Variants in HIF1A observed in about 807,000 individuals in gnomAD.
HIF1A encodes the protein hypoxia inducible factor 1 subunit alpha, also known as hypoxia-inducible factor 1-alpha.
Under a neutral mutation model 92.7 loss-of-function variants are expected in HIF1A, and 24 were observed. The ratio of observed to expected loss-of-function variants is 0.26; its 90% CI spans 0.19 to 0.36. The LOEUF (loss-of-function observed/expected upper bound fraction) is 0.36. Ranked by LOEUF, HIF1A falls within the 10% of genes least tolerant of loss-of-function variation. HIF1A has a pLI of 1.00. For missense variants in HIF1A, 799 were observed against 998.5 expected, an observed-to-expected ratio of 0.80 and a Z score of 2.69; for synonymous variants, 319 against 338.7, an observed-to-expected ratio of 0.94 and a Z score of 0.64.
rs184062516 is a variant in HIF1A at position 61,696,968 on chromosome 14, C to G, written c.35+1129C>G. ...TGGTGTTAAGAGCGGACTCCCCCAT[C>G]CCCCAACACACACACAATTTTGCCC... On this transcript the variant is annotated intron_variant, in intron 1 of 14. Coordinates refer to ENST00000337138, the MANE Select transcript of HIF1A (RefSeq NM_001530.4). Among the ~76,000 whole-genome samples, 187 of 152,266 alleles carry G rather than the reference C, an allele frequency of 1.2e-3. 3 individuals carry two copies. Among genetic ancestry groups the G allele is most frequent in the East Asian group, 7.7e-4 (4 of 5,192 alleles).
intron 10 of HIF1A, chr14:61,740,214 T>A (rs6573398): frequency 0.98 from 168,450 of 171,322 alleles, 82,868 homozygotes; most frequent in Middle Eastern, 1. Flanking sequence ...TTACAGGCGT[T>A]TGCCACCATG....
At chr14:61,707,328 T>C (rs1029899071) in intron 1 of HIF1A, among the ~76,000 whole-genome samples, 1 of 152,094 alleles carries the variant, frequency 6.6e-6, no homozygotes, top group South Asian at 2.1e-4. Context: ...TATTATACTT[T>C]AAGTTTTAGG....
intron 12 of HIF1A, among the ~76,000 whole-genome samples, chr14:61,742,885 CAAAAA>C (rs766112676): frequency 0.12 from 2,022 of 16,588 alleles, 112 homozygotes; most frequent in East Asian, 0.5. Flanking sequence ...AACTCGGTTT[CAAAAA>C]AAAAAAAAAA....
At chr14:61,730,216 C>T (rs779070121) in intron 6 of HIF1A, among the ~76,000 whole-genome samples, 19 of 152,194 alleles carry the variant, frequency 1.2e-4, no homozygotes, top group Middle Eastern at 3.4e-3. Flanking sequence ...CTGGACACCC[C>T]GACCCTTTTG....
At chr14:61,701,046 G>C (rs1279118413) in intron 1 of HIF1A, among the ~76,000 whole-genome samples, 1 of 152,084 alleles carries the variant, frequency 6.6e-6, no homozygotes, top group East Asian at 1.9e-4. Flanking sequence ...AACACTTTTT[G>C]GGTAAAATAG....
intron 1 of HIF1A, among the ~76,000 whole-genome samples, chr14:61,701,856 C>A (rs1016158517): frequency 4.6e-5 from 7 of 151,890 alleles, no homozygotes; most frequent in Non-Finnish European, 1.0e-4. Flanking sequence ...GGCGTGGTGG[C>A]GGGTGCCTGT....
At chr14:61,728,613 AT>A (rs2044537062) in intron 6 of HIF1A, among the ~76,000 whole-genome samples, 1 of 152,216 alleles carries the variant, frequency 6.6e-6, no homozygotes, top group African/African-American at 2.4e-5. Flanking sequence ...TTTCTTTTAC[AT>A]TCATTGGCTA....
Position 61,717,557 on chromosome 14 carries a change from C to T in HIF1A, c.36-2825C>T, listed in dbSNP as rs73331618. On this transcript the variant is annotated intron_variant, in intron 1 of 14. Coordinates refer to ENST00000337138, the MANE Select transcript of HIF1A (RefSeq NM_001530.4). ...AAAATTCAGTCTTATTTTCAGTCTA[C>T]ACTAGCTTTTAAATATACTGTCCTT... 5.5e-3 allele frequency among the ~76,000 whole-genome samples: 830 copies of T among 152,228 alleles called. 6 individuals carry two copies. The highest frequency in any genetic ancestry group is 0.018 in the African/African-American group (730 of 41,524).
At chr14:61,711,378 G>A (rs2044306269) in intron 1 of HIF1A, among the ~76,000 whole-genome samples, 1 of 152,020 alleles carries the variant, frequency 6.6e-6, no homozygotes, top group Non-Finnish European at 1.5e-5. Context: ...CTAGTAATTT[G>A]ATTGGTTAAG....
At chr14:61,724,380 T>TCTCTCTCTCTCTCTCTCC (rs771152491) in intron 4 of HIF1A, among the ~76,000 whole-genome samples, 91 of 139,660 alleles carry the variant, frequency 6.5e-4, no homozygotes, top group Non-Finnish European at 1.2e-3. Context: ...TCTCTCTCTC[T>TCTCTCTCTCTCTCTCTCC]CCCCCTCCCT....
rs765619047 is a variant in HIF1A at position 61,744,618 on chromosome 14, A to G, written c.2094-87A>G. 40 of 572,800 alleles carry G rather than the reference A, an allele frequency of 7.0e-5. No homozygotes were observed. The South Asian group carries it at 9.5e-4, about 14-fold the overall frequency. The allele number at this position is 572,800 out of a possible 1,614,324, so 35.5% of individuals were successfully genotyped here. On this transcript the variant is annotated intron_variant, in intron 12 of 14. Transcript: ENST00000337138. ...TTATATTCCTTAATATTGGAGAACTAAAGAATTATGTATTTTCTTTAAAAG... is the reference window on the plus strand; with the variant it reads ...TTATATTCCTTAATATTGGAGAACTGAAGAATTATGTATTTTCTTTAAAAG...
chr14:61,746,215 A>G (rs1594891152), intron 14 of HIF1A, among the ~76,000 whole-genome samples: 1 of 122,098 alleles, frequency 8.2e-6, no homozygotes, highest in Non-Finnish European at 1.7e-5. Flanking sequence ...CAAGGGTGAG[A>G]CTCTGCCTCA....
intron 12 of HIF1A, among the ~76,000 whole-genome samples, chr14:61,741,491 G>A (rs562448569): frequency 5.3e-5 from 8 of 151,006 alleles, no homozygotes; most frequent in Admixed American, 2.0e-4. Flanking sequence ...TCAGCCTCCC[G>A]AGTAGCTGGG....
intron 1 of HIF1A, among the ~76,000 whole-genome samples, chr14:61,708,567 T>C (rs2044270557): frequency 6.6e-6 from 1 of 152,082 alleles, no homozygotes; most frequent in African/African-American, 2.4e-5. Context: ...GGGAATCCTT[T>C]CCCCATTTCT....
intron 12 of HIF1A, among the ~76,000 whole-genome samples, chr14:61,742,127 C>G (rs1160583070): frequency 6.6e-6 from 1 of 152,148 alleles, no homozygotes; most frequent in Admixed American, 6.5e-5. Context: ...TTCTATGGAG[C>G]TAGTTCAAAC....
chr14:61,741,213 A>G (rs1474542566), intron 12 of HIF1A, 25 bp downstream of exon 12: 1 of 1,463,870 alleles, frequency 6.8e-7, no homozygotes, highest in East Asian at 2.3e-5. Flanking sequence ...CATTCAAGTT[A>G]TAGTTCTTTT....
At chr14:61,721,859 G>T in intron 4 of HIF1A, 36 bp downstream of exon 4, 1 of 1,464,128 alleles carries the variant, frequency 6.8e-7, no homozygotes. Context: ...AATGTGACAG[G>T]TGGTTTTACA....
intron 1 of HIF1A, 46 bp from the exon 2 acceptor site, chr14:61,720,335 CT>C: frequency 7.1e-7 from 1 of 1,414,546 alleles, no homozygotes; most frequent in Admixed American, 2.2e-5. Flanking sequence ...GGCAAACTAA[CT>C]TGTATACACT....
At chr14:61,741,607 G>A (rs1024303643) in intron 12 of HIF1A, among the ~76,000 whole-genome samples, 2 of 152,056 alleles carry the variant, frequency 1.3e-5, no homozygotes, top group African/African-American at 2.4e-5. Context: ...GACTTCAGGT[G>A]ATCCGCCTGC....
Sources: allele counts gnomAD v4.1 joint callset (sites outside exome capture counted in the v4.1 genomes callset), GRCh38; gene constraint gnomAD v4.1.1; transcripts MANE v1.5; gene names NCBI Gene and HGNC (gene_info 2026-07-23, HGNC 2026-07-21).